The following NT5C2 variants were observed in gnomAD, a reference collection of about 807,000 sequenced individuals.
NT5C2 encodes cytosolic purine 5'-nucleotidase.
A neutral mutation model predicts 76.1 loss-of-function variants in NT5C2; 58 were observed. The ratio of observed to expected loss-of-function variants is 0.76; its 90% confidence interval spans 0.62 to 0.95. The LOEUF is 0.95. Among genes scored for constraint, NT5C2 ranks in the 40% least tolerant of loss-of-function variants. The pLI, the probability that NT5C2 is intolerant of heterozygous loss-of-function variation, is 0.00. For missense variants in NT5C2, 478 were observed against 690.3 expected, an observed-to-expected ratio of 0.69 and a Z score of 3.45; for synonymous variants, 229 against 237.4, an observed-to-expected ratio of 0.96 and a Z score of 0.32.
intron 3 of NT5C2, among the ~76,000 whole-genome samples, chr10:103,160,736 C>T (rs1238906325): frequency 6.6e-6 from 1 of 152,108 alleles, no homozygotes; most frequent in Admixed American, 6.6e-5. Flanking sequence ...AAGGCAGGGC[C>T]AGGCACGGTG....
chr10:103,125,751 T>C (rs1186888678), intron 4 of NT5C2, among the ~76,000 whole-genome samples: 1 of 152,346 alleles, frequency 6.6e-6, no homozygotes, highest in African/African-American at 2.4e-5. Flanking sequence ...AGCCTGAAAT[T>C]TACCAATTCT....
chr10:103,165,154 G>A (rs2086052846), intron 3 of NT5C2, among the ~76,000 whole-genome samples: 1 of 152,140 alleles, frequency 6.6e-6, no homozygotes, highest in African/African-American at 2.4e-5. Context: ...GAGTATGATA[G>A]CATGATCACA....
intron 2 of NT5C2, among the ~76,000 whole-genome samples, chr10:103,179,043 G>A (rs2090601265): frequency 6.8e-6 from 1 of 147,704 alleles, no homozygotes; most frequent in Admixed American, 6.9e-5. Flanking sequence ...CCACCTCCCA[G>A]GTTCAAGCGA....
rs1458085038 is a variant in NT5C2 at position 103,099,889 on chromosome 10, C to T, written c.633+37G>A. The T allele has an allele frequency of 3.1e-6, 4 of 1,294,148 alleles. No individual in the cohort carries two copies. In the African/African-American group the frequency reaches 4.4e-5, roughly 14 times the overall value. 80.2% of individuals were successfully genotyped at this position (1,294,148 alleles called of 1,614,324 possible). A position where few individuals can be genotyped will look rare whatever the true frequency, so the allele number is the denominator to read the frequency against. ...TAATGCCACGCCATAAAATACATGC[C>T]AGAAAGCAAGCAGGTGAAGAAACAG... On this transcript the variant is annotated intron_variant, in intron 9 of 18. Coordinates refer to ENST00000404739, the MANE Select transcript of NT5C2 (RefSeq NM_001351169.2).
intron 3 of NT5C2, among the ~76,000 whole-genome samples, chr10:103,148,923 G>C (rs2081970689): frequency 6.6e-6 from 1 of 152,052 alleles, no homozygotes; most frequent in African/African-American, 2.4e-5. Context: ...CAAAAAGTTA[G>C]GATAGCAAAA....
intron 3 of NT5C2, among the ~76,000 whole-genome samples, chr10:103,159,250 T>TAC (rs2084178080): frequency 7.6e-5 from 5 of 65,780 alleles, no homozygotes; most frequent in Non-Finnish European, 1.2e-4. Context: ...CTCCAAAACA[T>TAC]GCACACACAC....
intron 3 of NT5C2, among the ~76,000 whole-genome samples, chr10:103,149,989 G>GAATATGAAC (rs113397625): frequency 0.41 from 61,852 of 151,258 alleles, 12,778 homozygotes; most frequent in East Asian, 0.55. Context: ...ATATCCTTTT[G>GAATATGAAC]AATCAACAAC....
At chr10:103,180,884 G>A (rs2090935572) in intron 2 of NT5C2, among the ~76,000 whole-genome samples, 1 of 152,074 alleles carries the variant, frequency 6.6e-6, no homozygotes, top group Non-Finnish European at 1.5e-5. Context: ...GTATTTACAT[G>A]CAAAACATTA....
chr10:103,095,748 A>C (rs2068019482), intron 12 of NT5C2, among the ~76,000 whole-genome samples, 191 bp downstream of exon 12: 1 of 152,136 alleles, frequency 6.6e-6, no homozygotes, highest in African/African-American at 2.4e-5. Context: ...GCGGACTCTA[A>C]ATTAGCAATT....
chr10:103,140,410 A>G (rs925343901), intron 3 of NT5C2, among the ~76,000 whole-genome samples: 1 of 152,140 alleles, frequency 6.6e-6, no homozygotes, highest in Admixed American at 6.5e-5. Flanking sequence ...CATTGTGTGT[A>G]TATATACCAC....
At chr10:103,151,900 G>A (rs1321796002) in intron 3 of NT5C2, among the ~76,000 whole-genome samples, 1 of 151,972 alleles carries the variant, frequency 6.6e-6, no homozygotes, top group Non-Finnish European at 1.5e-5. Context: ...GGACAGTACA[G>A]ACATTGCTCC....
intron 3 of NT5C2, among the ~76,000 whole-genome samples, chr10:103,166,231 G>C (rs575209023): frequency 2.0e-5 from 3 of 152,312 alleles, no homozygotes; most frequent in Admixed American, 2.0e-4. Flanking sequence ...TTAGACACAA[G>C]AGTTTCCTCA....
intron 4 of NT5C2, chr10:103,111,702 G>T (rs2073075596): frequency 1.7e-6 from 2 of 1,200,118 alleles, no homozygotes; most frequent in Non-Finnish European, 2.1e-6. Flanking sequence ...CCTCTACAGA[G>T]GTTCCAGCCT....
intron 4 of NT5C2, among the ~76,000 whole-genome samples, chr10:103,119,524 C>G (rs1331567722): frequency 6.6e-6 from 1 of 152,160 alleles, no homozygotes; most frequent in Non-Finnish European, 1.5e-5. Flanking sequence ...GAGGAGGATG[C>G]CCTGAGTATT....
chr10:103,183,677 A>G (rs548638232), intron 1 of NT5C2, among the ~76,000 whole-genome samples: 3 of 151,386 alleles, frequency 2.0e-5, no homozygotes, highest in African/African-American at 7.3e-5. Context: ...TATATACTTT[A>G]AGTGGGGGTG....
At chr10:103,185,525 G>A (rs773697808) in intron 1 of NT5C2, among the ~76,000 whole-genome samples, 1 of 151,710 alleles carries the variant, frequency 6.6e-6, no homozygotes, top group Non-Finnish European at 1.5e-5. Context: ...ACGGGTGCCT[G>A]TAGACCCAGC....
At chr10:103,113,739 C>CT (rs1446562215) in intron 4 of NT5C2, among the ~76,000 whole-genome samples, 1 of 152,104 alleles carries the variant, frequency 6.6e-6, no homozygotes, top group Non-Finnish European at 1.5e-5. Flanking sequence ...AATCAAATGA[C>CT]TAAGAAAGTA....
Position 103,089,811 on chromosome 10 carries a change from T to C in NT5C2, c.1547A>G (p.Asp516Gly). The C allele has an allele frequency of 6.2e-7, 1 of 1,614,098 alleles. No individual in the cohort carries two copies. Among genetic ancestry groups the C allele is most frequent in the Non-Finnish European group, 8.5e-7 (1 of 1,179,992 alleles). The change falls in exon 19 of 19, where the codon GAC becomes GGC. Residue 516 changes from aspartate to glycine, a missense_variant. Physicochemically the swap from Asp to Gly is moderately conservative, Grantham distance 94 (BLOSUM62 -1). Coordinates refer to ENST00000404739, the MANE Select transcript of NT5C2 (RefSeq NM_001351169.2). The part of the protein sequence containing the change: ...TRNRTSVDFK[D>G]TDYKRHQLTR... The stretch of plus-strand genomic sequence containing the variant: ...CAGCTGGTGCCGCTTGTAGTCAGTG[T>C]CTTTGAAATCCACTGATGTGCGGTT...
At chr10:103,110,722 T>C (rs1379309091) in intron 4 of NT5C2, among the ~76,000 whole-genome samples, 2 of 152,282 alleles carry the variant, frequency 1.3e-5, no homozygotes, top group Non-Finnish European at 2.9e-5. Context: ...TATGAGAAAA[T>C]GTCAGTTTTC....
Sources: allele counts gnomAD v4.1 joint callset (sites outside exome capture counted in the v4.1 genomes callset), GRCh38; gene constraint gnomAD v4.1.1; transcripts MANE v1.5; gene names NCBI Gene and HGNC (gene_info 2026-07-23, HGNC 2026-07-21).